Variants in ACADVL observed in about 807,000 individuals in gnomAD.
The protein encoded by ACADVL is very long-chain acyl-CoA dehydrogenase, mitochondrial.
In ACADVL, 73 loss-of-function variants were observed where a neutral mutation model predicts 80.4. The observed-to-expected ratio is 0.91, with a 90% confidence interval of 0.75 to 1.10. The LOEUF (loss-of-function observed/expected upper bound fraction) is 1.10, where lower values mean the gene tolerates loss of function less well. Among genes scored for constraint, ACADVL ranks in the 50% least tolerant of loss-of-function variants. ACADVL has a pLI of 0.00. For synonymous variants in ACADVL, 392 were observed against 326.5 expected, an observed-to-expected ratio of 1.20 and a Z score of -2.16; for missense variants, 878 against 858.9, an observed-to-expected ratio of 1.02 and a Z score of -0.28.
chr17:7,218,501 C>T (rs2071037893), upstream of ACADVL: 3 of 1,538,474 alleles, frequency 1.9e-6, no homozygotes, highest in Non-Finnish European at 2.6e-6. Context: ...TCAGTAATGG[C>T]CCTTGGAGGC....
chr17:7,218,887 G>C (rs766646316), upstream of ACADVL: 1 of 1,611,176 alleles, frequency 6.2e-7, no homozygotes, highest in African/African-American at 1.3e-5. Flanking sequence ...TAATCCTCCA[G>C]GATTGGAGTT....
intron 11 of ACADVL, 111 bp downstream of exon 11, chr17:7,223,348 A>T: frequency 1.9e-6 from 2 of 1,031,478 alleles, no homozygotes; most frequent in African/African-American, 1.6e-5. Context: ...CTTTACACCA[A>T]TGCCCTAGGG....
intron 11 of ACADVL, 169 bp downstream of exon 11, chr17:7,223,406 A>G: frequency 1.2e-6 from 1 of 816,966 alleles, no homozygotes; most frequent in Non-Finnish European, 2.1e-6. Context: ...AGAGACAGCA[A>G]TGATGTTCTG....
chr17:7,224,720 G>C lies in ACADVL; in HGVS notation c.1751+6G>C. ...ATGGTGGTGGTTCTCTCGAGGTGAG[G>C]AGGCAGGCAGGGAATGCCTGAGCCG... On this transcript the variant is annotated splice_donor_region_variant and intron_variant, in intron 18 of 19. Transcript: ENST00000356839. 6.2e-7 allele frequency: 1 copy of C among 1,605,404 alleles called. No individual in the cohort carries two copies. The highest frequency in any genetic ancestry group is 2.2e-5 in the East Asian group (1 of 44,452).
upstream of ACADVL, chr17:7,217,433 A>G: frequency 4.8e-6 from 1 of 210,424 alleles, no homozygotes; most frequent in Non-Finnish European, 8.1e-6. Flanking sequence ...GGGGGCTGGC[A>G]GCCCCGGAGT....
chr17:7,217,928 T>A, upstream of ACADVL: 1 of 1,075,756 alleles, frequency 9.3e-7, no homozygotes, highest in Non-Finnish European at 1.4e-6. Flanking sequence ...GGGTCGGGTG[T>A]GAGGGAGGAG....
chr17:7,223,709 C>G lies in ACADVL; in HGVS notation c.1248C>G (p.Ala416=). The G allele has an allele frequency of 6.2e-7, 1 of 1,614,112 alleles. No homozygotes were observed. Among genetic ancestry groups the G allele is most frequent in the East Asian group, 2.2e-5 (1 of 44,870 alleles). The change falls in exon 12 of 20, where the codon GCC becomes GCG. Residue 416 remains alanine, a synonymous_variant. Coordinates refer to ENST00000356839, the MANE Select transcript of ACADVL (RefSeq NM_000018.4). The part of the protein sequence containing the change: ...QGATDFQIEA[A]ISKIFGSEAA... ...CCACGGACTTCCAGATAGAGGCCGCCATCAGCAAAATCTTTGGCTCGGTGA... is the reference window on the plus strand; with the variant it reads ...CCACGGACTTCCAGATAGAGGCCGCGATCAGCAAAATCTTTGGCTCGGTGA...
At chr17:7,220,704 T>TG (rs1181189516) in intron 4 of ACADVL, 28 bp downstream of exon 4, 3 of 1,614,006 alleles carry the variant, frequency 1.9e-6, no homozygotes, top group Non-Finnish European at 2.5e-6. Context: ...CAGAGCTGGG[T>TG]GGGGCCAGGG....
At position 7,224,962 on chromosome 17, in the gene ACADVL, A is replaced by G. The variant is rs1231602756; in HGVS notation, c.1833A>G (p.Ala611=). The change falls in exon 20 of 20, where the codon GCA becomes GCG. Residue 611 remains alanine (A), a synonymous_variant. Coordinates refer to ENST00000356839, the MANE Select transcript of ACADVL (RefSeq NM_000018.4). ...CCCTCCTTCCCTCTCCCCAGGCTGC[A>G]GCTCGGATCCGAGAGGGCATGGCCG... ...MLCDTWCIEA[A]ARIREGMAAL... 2.5e-6 allele frequency: 4 copies of G among 1,613,912 alleles called. No homozygotes were observed. The South Asian group carries it at 4.4e-5, about 18-fold the overall frequency.
At chr17:7,221,150 G>T in intron 6 of ACADVL, 92 bp downstream of exon 6, 1 of 1,599,856 alleles carries the variant, frequency 6.3e-7, no homozygotes, top group East Asian at 2.2e-5. Context: ...TAGGGCTAAG[G>T]TCTCTTCTAA....
upstream of ACADVL, chr17:7,218,105 C>T (rs2071017807): frequency 5.1e-5 from 41 of 796,562 alleles, no homozygotes; most frequent in South Asian, 7.0e-4. Flanking sequence ...TCTCGGTGCC[C>T]CAAGTCCCTG....
chr17:7,219,644 C>T (rs1207892114), upstream of ACADVL: 59 of 1,264,022 alleles, frequency 4.7e-5, no homozygotes, highest in Non-Finnish European at 5.8e-5. Flanking sequence ...GAAGCCCTCC[C>T]TTCAGTCCAC....
upstream of ACADVL, chr17:7,217,219 G>A: frequency 4.8e-6 from 6 of 1,261,234 alleles, no homozygotes; most frequent in Non-Finnish European, 5.0e-6. Flanking sequence ...CCCCTCCGTG[G>A]GTTCTCACCC....
In ACADVL at chr17:7,220,652, G is replaced by C. The variant is rs781758731; in HGVS notation, c.253G>C (p.Asp85His). ...AATGTTCAAAGGCCAGCTCACCACA[G>C]ATCAGGTGTTCCCATACCCGTCCGG... ...VGMFKGQLTT[D>H]QVFPYPSVLN... The change falls in exon 4 of 20, where the codon GAT becomes CAT. Residue 85 changes from aspartate to histidine, a missense_variant. Physicochemically the swap from Asp to His is moderately conservative, Grantham distance 81. Transcript: ENST00000356839. 6 of 1,614,208 alleles carry C rather than the reference G, an allele frequency of 3.7e-6. No homozygotes were observed. The highest frequency in any genetic ancestry group is 2.2e-5 in the East Asian group (1 of 44,872).
chr17:7,222,711 C>T lies in ACADVL; in HGVS notation c.923C>T (p.Ala308Val). Residue 308 changes from alanine (A) to valine (V), a missense_variant, in exon 10 of 20, where the codon GCA becomes GTA. Ala to Val is a moderately conservative substitution (Grantham distance 64). Coordinates refer to ENST00000356839, the MANE Select transcript of ACADVL (RefSeq NM_000018.4). Reference protein sequence around the residue: ...KKMGIKASNTAEVFFDGVRVP... With the variant: ...KKMGIKASNTVEVFFDGVRVP... Reference sequence around the variant, plus strand: ...ATGGGCATCAAGGCTTCAAACACAGCAGAGGTGTTCTTTGATGGAGTACGG... The same window carrying T: ...ATGGGCATCAAGGCTTCAAACACAGTAGAGGTGTTCTTTGATGGAGTACGG... The T allele has an allele frequency of 6.2e-7, 1 of 1,614,124 alleles. No homozygotes were observed. The highest frequency in any genetic ancestry group is 8.5e-7 in the Non-Finnish European group (1 of 1,180,010).
chr17:7,218,966 C>A, upstream of ACADVL: 1 of 1,122,584 alleles, frequency 8.9e-7, no homozygotes. Flanking sequence ...CCAGCTGTCC[C>A]ATTCCCCCAG....
At position 7,220,125 on chromosome 17, in the gene ACADVL, G is replaced by C; in HGVS notation, c.66G>C (p.Ser22=). The C allele has an allele frequency of 6.4e-7, 1 of 1,566,300 alleles. No homozygotes were observed. Among genetic ancestry groups the C allele is most frequent in the Non-Finnish European group, 8.6e-7 (1 of 1,163,836 alleles). The change falls in exon 2 of 20, where the codon TCG becomes TCC. Residue 22 remains serine (S), a synonymous_variant. Transcript: ENST00000356839. ...RQLLRLGGGS[S]RLTALLGQPR... ...ACTGAACCCCCACTCCCCACAGCTCGCGGCTCACGGCGCTCCTGGGGCAGC... is the reference window on the plus strand; with the variant it reads ...ACTGAACCCCCACTCCCCACAGCTCCCGGCTCACGGCGCTCCTGGGGCAGC...
chr17:7,223,772 C>T (rs2071343085), intron 12 of ACADVL, 41 bp from the exon 13 acceptor site: 1 of 1,613,950 alleles, frequency 6.2e-7, no homozygotes, highest in Non-Finnish European at 8.5e-7. Context: ...AGTTTGGGTG[C>T]TCAGCTCCCA....
upstream of ACADVL, chr17:7,218,688 A>G (rs1567557204): frequency 2.6e-6 from 4 of 1,540,832 alleles, no homozygotes; most frequent in Non-Finnish European, 3.5e-6. Context: ...CAACACAGGA[A>G]GATGAACACA....
Sources: gnomAD v4.1 joint callset for allele counts on GRCh38, gnomAD v4.1.1 for gene constraint, MANE v1.5 for transcripts, NCBI Gene and HGNC (gene_info 2026-07-23, HGNC 2026-07-21) for gene names.